TLN2: variants seen among roughly 807,000 people sequenced by gnomAD.
TLN2 encodes talin 2, also known as talin-2.
In TLN2, 118 loss-of-function variants were observed where a neutral mutation model predicts 294.7. That is an observed-to-expected ratio of 0.40 (90% CI 0.34 to 0.47). The LOEUF is 0.47. Ranked by LOEUF, TLN2 falls within the 20% of genes least tolerant of loss-of-function variation. TLN2 has a pLI of 0.84. For synonymous variants in TLN2, 1,431 were observed against 1,304.5 expected (o/e 1.10, Z -2.09); for missense variants, 3,083 against 3,282.2 (o/e 0.94, Z 1.48).
At chr15:62,627,976 G>C (rs1271415310) in intron 3 of TLN2, among the ~76,000 whole-genome samples, 1 of 152,132 alleles carries the variant, frequency 6.6e-6, no homozygotes, top group Non-Finnish European at 1.5e-5. Context: ...ATTTTCAATA[G>C]AGAAAATTAC....
At chr15:62,652,961 T>TCCCC (rs2052767116) in intron 6 of TLN2, among the ~76,000 whole-genome samples, 1 of 152,100 alleles carries the variant, frequency 6.6e-6, no homozygotes, top group Non-Finnish European at 1.5e-5. Context: ...TTACCTGTTT[T>TCCCC]CCCCCACAGT....
At position 62,633,622 on chromosome 15, in the gene TLN2, C is replaced by T. The variant is rs150739928; in HGVS notation, c.-36-13653C>T. ...ATGCCTCTGTTTACATATTCACACA[C>T]GTTTATAATTATTCTACTGATTACC... On this transcript the variant is annotated intron_variant, in intron 3 of 58. Transcript: ENST00000636159. Among the ~76,000 whole-genome samples the T allele has an allele frequency of 2.6e-3, 403 of 152,278 alleles. 3 individuals are homozygous for T. The highest frequency in any genetic ancestry group is 8.5e-3 in the African/African-American group (353 of 41,556).
chr15:62,467,244 A>G (rs962358240), intron 1 of TLN2, among the ~76,000 whole-genome samples: 1 of 152,212 alleles, frequency 6.6e-6, no homozygotes, highest in Non-Finnish European at 1.5e-5. Flanking sequence ...ATTGAGCAGT[A>G]GGTTATTGTC....
At chr15:62,739,212 A>T in intron 30 of TLN2, 136 bp from the exon 31 acceptor site, 1 of 928,600 alleles carries the variant, frequency 1.1e-6, no homozygotes, top group Non-Finnish European at 1.6e-6. Flanking sequence ...AAATGGGCTC[A>T]GATGACTCAG....
intron 1 of TLN2, among the ~76,000 whole-genome samples, chr15:62,401,777 C>T (rs2033039400): frequency 1.3e-5 from 2 of 152,304 alleles, no homozygotes; most frequent in African/African-American, 4.8e-5. Flanking sequence ...AATTCTCAAC[C>T]TCTTAGTCCC....
At chr15:62,649,622 G>A (rs1446279699) in intron 4 of TLN2, among the ~76,000 whole-genome samples, 1 of 152,132 alleles carries the variant, frequency 6.6e-6, no homozygotes, top group East Asian at 1.9e-4. Flanking sequence ...GCTCAGTTGG[G>A]ATGATGGAGG....
At chr15:62,589,847 T>C (rs1342247281) in intron 2 of TLN2, 85 bp downstream of exon 2, 1 of 152,212 alleles carries the variant, frequency 6.6e-6, no homozygotes, top group African/African-American at 2.4e-5. Context: ...TTAAAACTGC[T>C]GTCTGTTATG....
At chr15:62,736,640 G>C (rs944607978) in intron 28 of TLN2, among the ~76,000 whole-genome samples, 1 of 152,196 alleles carries the variant, frequency 6.6e-6, no homozygotes, top group Non-Finnish European at 1.5e-5. Context: ...GGGAAGTCAG[G>C]GGGAAGAAGT....
chr15:62,766,252 C>T (rs908474918), intron 40 of TLN2, 69 bp from the exon 41 acceptor site: 74 of 1,362,246 alleles, frequency 5.4e-5, no homozygotes, highest in Non-Finnish European at 7.5e-5. Flanking sequence ...TTCAGAGGGG[C>T]CTTTTTGAAT....
intron 3 of TLN2, among the ~76,000 whole-genome samples, chr15:62,626,156 C>A (rs1305255271): frequency 6.6e-6 from 1 of 152,168 alleles, no homozygotes; most frequent in Non-Finnish European, 1.5e-5. Context: ...GACATTTTAA[C>A]AGGAGCTGGT....
chr15:62,484,703 G>A (rs1243399415), intron 1 of TLN2, among the ~76,000 whole-genome samples: 1 of 152,154 alleles, frequency 6.6e-6, no homozygotes, highest in Non-Finnish European at 1.5e-5. Flanking sequence ...GGGATTACAG[G>A]CGTGAGCCAC....
At chr15:62,639,751 C>A (rs534055657) in intron 3 of TLN2, among the ~76,000 whole-genome samples, 5 of 152,310 alleles carry the variant, frequency 3.3e-5, no homozygotes, top group African/African-American at 1.2e-4. Flanking sequence ...TCCACTCAGG[C>A]CCTGCCCTCT....
intron 23 of TLN2, among the ~76,000 whole-genome samples, chr15:62,716,942 T>G (rs1313635555): frequency 6.6e-6 from 1 of 151,102 alleles, no homozygotes; most frequent in East Asian, 1.9e-4. Context: ...AAACTATGTT[T>G]TTTTTTTTTT....
intron 1 of TLN2, among the ~76,000 whole-genome samples, chr15:62,479,728 C>T (rs1300077593): frequency 3.3e-5 from 5 of 152,156 alleles, no homozygotes; most frequent in East Asian, 1.9e-4. Flanking sequence ...CCAAGTGATC[C>T]GCCTGCCTCA....
At chr15:62,808,886 G>A (rs1322076939) in intron 51 of TLN2, among the ~76,000 whole-genome samples, 3 of 152,232 alleles carry the variant, frequency 2.0e-5, no homozygotes, top group Non-Finnish European at 1.5e-5. Context: ...CCAGGGACTG[G>A]GGGTAAGTCA....
chr15:62,807,617 C>G (rs1182118402), intron 51 of TLN2, among the ~76,000 whole-genome samples: 1 of 152,158 alleles, frequency 6.6e-6, no homozygotes, highest in East Asian at 1.9e-4. Context: ...GGGAATGCAG[C>G]TCAGATGTTT....
intron 11 of TLN2, among the ~76,000 whole-genome samples, chr15:62,678,938 T>G (rs1357946659): frequency 6.6e-6 from 1 of 151,962 alleles, no homozygotes; most frequent in East Asian, 1.9e-4. Flanking sequence ...TACAGTAAAA[T>G]GAGGGGAAAA....
chr15:62,447,002 T>G (rs183308879), intron 1 of TLN2, among the ~76,000 whole-genome samples: 3 of 152,272 alleles, frequency 2.0e-5, no homozygotes, highest in Admixed American at 2.0e-4. Context: ...ACAAATGGGT[T>G]TTTAGGTCAG....
intron 33 of TLN2, 75 bp downstream of exon 33, chr15:62,748,519 C>T: frequency 8.3e-7 from 1 of 1,200,810 alleles, no homozygotes; most frequent in Non-Finnish European, 1.2e-6. Context: ...GTCTGTCTGT[C>T]TATGTCTGTG....
Sources: allele counts gnomAD v4.1 joint callset (sites outside exome capture counted in the v4.1 genomes callset), GRCh38; gene constraint gnomAD v4.1.1; transcripts MANE v1.5; gene names NCBI Gene and HGNC (gene_info 2026-07-23, HGNC 2026-07-21).